CMC1: variants seen among roughly 807,000 people sequenced by gnomAD.
The protein encoded by CMC1 is C-X9-C motif containing 1, also known as COX assembly mitochondrial protein homolog.
CMC1 carries 14 observed loss-of-function variants against 14.1 expected under a neutral mutation model. The ratio of observed to expected loss-of-function variants is 0.99; its 90% CI spans 0.66 to 1.55. The LOEUF is 1.55. Ranked by LOEUF, CMC1 falls within the 40% of genes most tolerant of loss-of-function variation. The pLI, the probability that CMC1 is intolerant of heterozygous loss-of-function variation, is 0.00. For synonymous variants in CMC1, 50 were observed against 38.4 expected (o/e 1.30, Z -1.12); for missense variants, 127 against 123.8 (o/e 1.03, Z -0.12).
At chr3:28,312,055 A>G (rs1284330279) in intron 2 of CMC1, among the ~76,000 whole-genome samples, 3 of 152,166 alleles carry the variant, frequency 2.0e-5, no homozygotes, top group Non-Finnish European at 4.4e-5. Flanking sequence ...CTGCCCTACT[A>G]TGTTCTTTAA....
chr3:28,294,516 C>G, intron 2 of CMC1: 1 of 901,404 alleles, frequency 1.1e-6, no homozygotes, highest in Non-Finnish European at 1.3e-6. Flanking sequence ...ACTTATATAG[C>G]TACATAAATA....
chr3:28,290,766 G>A (rs755705769), intron 2 of CMC1, among the ~76,000 whole-genome samples: 3 of 151,940 alleles, frequency 2.0e-5, no homozygotes, highest in African/African-American at 4.8e-5. Flanking sequence ...ACTTTAAAAC[G>A]AGGATTAACA....
intron 2 of CMC1, among the ~76,000 whole-genome samples, chr3:28,295,017 A>T (rs113710036): frequency 0.015 from 2,234 of 152,244 alleles, 53 homozygotes; most frequent in African/African-American, 0.05. Context: ...ATCTGTAGAC[A>T]GGAAGGAGCA....
At chr3:28,283,113 G>A (rs762785274) in intron 2 of CMC1, among the ~76,000 whole-genome samples, 6 of 152,162 alleles carry the variant, frequency 3.9e-5, no homozygotes, top group Non-Finnish European at 7.3e-5. Context: ...TAGAATTAAA[G>A]TGATGGGCAG....
At chr3:28,242,993 G>A (rs1698609266) in intron 1 of CMC1, among the ~76,000 whole-genome samples, 1 of 151,992 alleles carries the variant, frequency 6.6e-6, no homozygotes, top group Admixed American at 6.6e-5. Flanking sequence ...GGGTAGAAGG[G>A]GTAGAGTATA....
At chr3:28,265,301 T>A (rs1699947431) in intron 2 of CMC1, among the ~76,000 whole-genome samples, 1 of 152,110 alleles carries the variant, frequency 6.6e-6, no homozygotes, top group Non-Finnish European at 1.5e-5. Context: ...CTAAAATTGA[T>A]AAGAGAATAA....
chr3:28,287,114 A>G (rs985764619), intron 2 of CMC1, among the ~76,000 whole-genome samples: 4 of 152,086 alleles, frequency 2.6e-5, no homozygotes, highest in Non-Finnish European at 4.4e-5. Flanking sequence ...TTGTCTTCTC[A>G]GTGTCACCTC....
chr3:28,301,613 G>C (rs1352328693), intron 2 of CMC1, among the ~76,000 whole-genome samples: 1 of 150,764 alleles, frequency 6.6e-6, no homozygotes, highest in Non-Finnish European at 1.5e-5. Flanking sequence ...AGAATTTACT[G>C]TCCTTATGGA....
rs7622768 is a variant in CMC1 at position 28,259,535 on chromosome 3, T to A, written c.20-3756T>A. On this transcript the variant is annotated intron_variant, in intron 1 of 3. Transcript: ENST00000466830. ...AATGGTATAATATTGTTGATTCAGG[T>A]ACTAATCTTAGTCGAATTTCACCAC... Among the ~76,000 whole-genome samples the A allele has an allele frequency of 1.7e-3, 259 of 152,332 alleles. 3 individuals carry two copies. The highest frequency in any genetic ancestry group is 5.8e-3 in the African/African-American group (242 of 41,584).
At chr3:28,253,228 G>T (rs541944332) in intron 1 of CMC1, among the ~76,000 whole-genome samples, 1 of 152,286 alleles carries the variant, frequency 6.6e-6, no homozygotes, top group East Asian at 1.9e-4. Context: ...TCATTGTATT[G>T]TATATCATGC....
intron 1 of CMC1, among the ~76,000 whole-genome samples, chr3:28,257,780 G>A (rs1285244689): frequency 6.6e-6 from 1 of 152,098 alleles, no homozygotes; most frequent in African/African-American, 2.4e-5. Flanking sequence ...GCCTCCTAAA[G>A]TGTTGGGACT....
Position 28,241,635 on chromosome 3 carries a change from G to C in CMC1, c.-159G>C. ...GGAAGTAGGAGCCTGGGAAGGAAGA[G>C]GGAACGGGTCCTGGCGGTGCTTTGC... On this transcript the variant is annotated 5_prime_UTR_variant, in exon 1 of 4. Transcript: ENST00000466830. 8.1e-7 allele frequency: 1 copy of C among 1,232,234 alleles called. No homozygotes were observed. The highest frequency in any genetic ancestry group is 1.0e-6 in the Non-Finnish European group (1 of 987,766). 76.3% of individuals were successfully genotyped at this position (1,232,234 alleles called of 1,614,324 possible).
At chr3:28,255,147 A>T (rs1699324546) in intron 1 of CMC1, among the ~76,000 whole-genome samples, 1 of 151,678 alleles carries the variant, frequency 6.6e-6, no homozygotes, top group South Asian at 2.1e-4. Context: ...CATCCCCTTT[A>T]GGCACCATCA....
At chr3:28,277,004 G>C (rs1700619995) in intron 2 of CMC1, among the ~76,000 whole-genome samples, 1 of 152,200 alleles carries the variant, frequency 6.6e-6, no homozygotes, top group South Asian at 2.1e-4. Flanking sequence ...TGATGAAGCA[G>C]ATTTTAAATC....
At chr3:28,267,882 T>C (rs1700087675) in intron 2 of CMC1, among the ~76,000 whole-genome samples, 2 of 152,228 alleles carry the variant, frequency 1.3e-5, no homozygotes, top group Admixed American at 6.5e-5. Context: ...ATCACTCTTC[T>C]GTCCAACTGT....
intron 2 of CMC1, among the ~76,000 whole-genome samples, chr3:28,294,165 C>A (rs1303025744): frequency 1.3e-4 from 19 of 151,882 alleles, no homozygotes; most frequent in Admixed American, 1.2e-3. Context: ...TCATGTATGC[C>A]TATTAATGAT....
intron 2 of CMC1, among the ~76,000 whole-genome samples, chr3:28,275,277 A>C (rs1388560665): frequency 1.5e-5 from 2 of 131,480 alleles, no homozygotes; most frequent in Non-Finnish European, 3.3e-5. Context: ...TTTTGTGAGG[A>C]CCTTTTTGTT....
At chr3:28,271,878 T>A (rs1388392740) in intron 2 of CMC1, among the ~76,000 whole-genome samples, 2 of 152,192 alleles carry the variant, frequency 1.3e-5, no homozygotes, top group Non-Finnish European at 2.9e-5. Flanking sequence ...GTTTTTCCAT[T>A]TGTATCGTCT....
intron 1 of CMC1, among the ~76,000 whole-genome samples, chr3:28,250,002 C>A (rs1699050543): frequency 6.6e-6 from 1 of 152,010 alleles, no homozygotes; most frequent in Non-Finnish European, 1.5e-5. Context: ...GGAGAGAGAG[C>A]CCTCTGCTTC....
Sources: gnomAD v4.1 joint callset for allele counts (sites outside exome capture counted in the v4.1 genomes callset) on GRCh38, gnomAD v4.1.1 for gene constraint, MANE v1.5 for transcripts, NCBI Gene and HGNC (gene_info 2026-07-23, HGNC 2026-07-21) for gene names.